ATN1: variants seen among roughly 807,000 people sequenced by gnomAD.
ATN1 encodes the protein atrophin 1.
Under a neutral mutation model 85.8 loss-of-function variants are expected in ATN1, and 19 were observed. That is an observed-to-expected ratio of 0.22 (90% CI 0.15 to 0.32). ATN1 has a LOEUF of 0.32. Among genes scored for constraint, ATN1 ranks in the 10% least tolerant of loss-of-function variants. The pLI is 1.00. For missense variants in ATN1, 1,453 were observed against 1,564.5 expected (o/e 0.93, Z 1.20); for synonymous variants, 674 against 657.0 (o/e 1.03, Z -0.39).
At chr12:6,928,548 C>G (rs1016960388) in intron 1 of ATN1, among the ~76,000 whole-genome samples, 164 bp downstream of exon 1, 4 of 149,940 alleles carry the variant, frequency 2.7e-5, no homozygotes, top group Non-Finnish European at 5.9e-5. Context: ...CTCTGCCTGG[C>G]CTGAGGGCCG....
Position 6,938,804 on chromosome 12 carries a change from G to A in ATN1, c.2841G>A (p.Lys947=), listed in dbSNP as rs782011154. ...AACGAGACCTCCGTGACCGCCTCAA[G>A]CCTGGCTTTGAGGTGAAGCCTAGTG... The part of the protein sequence containing the change: ...ARERDLRDRL[K]PGFEVKPSEL... The change falls in exon 7 of 10, where the codon AAG becomes AAA. Residue 947 remains lysine, a synonymous_variant. Coordinates refer to ENST00000396684, the MANE Select transcript of ATN1 (RefSeq NM_001940.4). 6.2e-7 allele frequency: 1 copy of A among 1,614,174 alleles called. No individual in the cohort carries two copies. The highest frequency in any genetic ancestry group is 2.2e-5 in the East Asian group (1 of 44,894).
rs782061724 is a variant in ATN1 at position 6,932,857 on chromosome 12, T to C, written c.-162-983T>C. Reference sequence around the variant, plus strand: ...TTCCTTTGTATTATAGAATGGGACATTCTTCTTCTACCTACTCTGATGTGA... The same window carrying C: ...TTCCTTTGTATTATAGAATGGGACACTCTTCTTCTACCTACTCTGATGTGA... On this transcript the variant is annotated intron_variant, in intron 1 of 9. Coordinates refer to ENST00000396684, the MANE Select transcript of ATN1 (RefSeq NM_001940.4). Among the ~76,000 whole-genome samples the C allele has an allele frequency of 2.2e-3, 330 of 152,330 alleles. 1 individual carries two copies. Among genetic ancestry groups the C allele is most frequent in the African/African-American group, 7.2e-3 (301 of 41,582 alleles).
Position 6,938,002 on chromosome 12 carries a change from G to A in ATN1, c.2452G>A (p.Glu818Lys). 6.5e-7 allele frequency: 1 copy of A among 1,542,816 alleles called. No individual in the cohort carries two copies. The highest frequency in any genetic ancestry group is 8.8e-7 in the Non-Finnish European group (1 of 1,142,238). ...GCGCGCGCGCGAAGAAAAGGAGCGC[G>A]AGCGCGAGCGGGAACGCGAGAAAGA... ...EQRAREEKER[E>K]REREREKERE... Residue 818 changes from glutamate to lysine, a missense_variant, in exon 6 of 10, where the codon GAG (glutamate) becomes AAG (lysine). Coordinates refer to ENST00000396684, the MANE Select transcript of ATN1 (RefSeq NM_001940.4).
At position 6,938,012 on chromosome 12, in the gene ATN1, G is replaced by A. The variant is rs991640104; in HGVS notation, c.2462G>A (p.Arg821Gln). The part of the protein sequence containing the change: ...AREEKERERE[R>Q]EREKEREREK... ...GAAGAAAAGGAGCGCGAGCGCGAGC[G>A]GGAACGCGAGAAAGAGCGCGAGCGC... The change falls in exon 6 of 10, where the codon CGG (arginine) becomes CAG (glutamine). Residue 821 changes from arginine to glutamine, a missense_variant. By Grantham distance (43) the Arg-to-Gln change is conservative (BLOSUM62 1). Transcript: ENST00000396684. The A allele has an allele frequency of 3.9e-6, 6 of 1,542,194 alleles. No homozygotes were observed. Among genetic ancestry groups the A allele is most frequent in the Non-Finnish European group, 5.3e-6 (6 of 1,141,962 alleles).
chr12:6,934,616 A>T lies in ATN1; in HGVS notation c.279+38A>T. 6.9e-7 allele frequency: 1 copy of T among 1,451,542 alleles called. No individual in the cohort carries two copies. The highest frequency in any genetic ancestry group is 9.5e-7 in the Non-Finnish European group (1 of 1,055,808). 89.9% of individuals were successfully genotyped at this position (1,451,542 alleles called of 1,614,324 possible). On this transcript the variant is annotated intron_variant, in intron 4 of 9. Coordinates refer to ENST00000396684, the MANE Select transcript of ATN1 (RefSeq NM_001940.4). The surrounding 1 kb of genome is among the most constrained non-coding windows in gnomAD (Gnocchi z 4.5). ...TGTCGCCATCCTGACCCATCTTGTG[A>T]CCATTCTTTTCTCAGACTTGCTTAT...
Position 6,937,546 on chromosome 12 carries a change from C to G in ATN1, c.2279C>G (p.Ala760Gly). ...PPKVVDVPSH[A>G]SQSARFNKHL... ...AAGGTGGTAGATGTACCCAGCCATGCCAGTCAGTCTGCCAGGTGAGCGGCC... is the reference window on the plus strand; with the variant it reads ...AAGGTGGTAGATGTACCCAGCCATGGCAGTCAGTCTGCCAGGTGAGCGGCC... The change falls in exon 5 of 10, where the codon GCC (alanine) becomes GGC (glycine). Residue 760 changes from alanine (A) to glycine (G), a missense_variant. Physicochemically the swap from Ala to Gly is moderately conservative, Grantham distance 60. Transcript: ENST00000396684. This position sits in a 1 kb window ranked among gnomAD's most constrained non-coding sequence, Gnocchi z 6.0. The G allele has an allele frequency of 6.6e-7, 1 of 1,510,954 alleles. No individual in the cohort carries two copies. Among genetic ancestry groups the G allele is most frequent in the Non-Finnish European group, 8.9e-7 (1 of 1,129,774 alleles). 93.6% of individuals were successfully genotyped at this position (1,510,954 alleles called of 1,614,324 possible).
Position 6,936,760 on chromosome 12 carries a change from AGC to A in ATN1, c.1494_1495del (p.Gln499AlafsTer24). On this transcript the variant is annotated frameshift_variant, in exon 5 of 10. Transcript: ENST00000396684. LOFTEE classifies it high-confidence loss of function. ...CAGCAGCAGCAGCAGCAGCAGCAGC[AGC>A]AGCAGCAGCAGCATCACGGAAACTC... is the stretch of plus-strand genomic sequence containing the variant. 1 of 1,438,012 alleles carries A rather than the reference AGC, an allele frequency of 7.0e-7. No homozygotes were observed. Among genetic ancestry groups the A allele is most frequent in the East Asian group, 2.3e-5 (1 of 43,858 alleles). The allele number at this position is 1,438,012 out of a possible 1,614,324, so 89.1% of individuals were successfully genotyped here. A position where few individuals can be genotyped will look rare whatever the true frequency, so the allele number is the denominator to read the frequency against.
chr12:6,936,722 ACAGCAACAGCAGCAGCAG>A lies in ATN1; in HGVS notation c.1461_1478del (p.Gln497_Gln502del), dbSNP rs781953797. ...CAACACATCACCATCACCACCAGCA[ACAGCAACAGCAGCAGCAG>A]CAGCAGCAGCAGCAGCAGCAGCAGC... On this transcript the variant is annotated inframe_deletion, in exon 5 of 10. Transcript: ENST00000396684. 27 of 1,525,112 alleles carry A rather than the reference ACAGCAACAGCAGCAGCAG, an allele frequency of 1.8e-5. No individual in the cohort carries two copies. Among genetic ancestry groups the A allele is most frequent in the Admixed American group, 1.7e-4 (8 of 46,374 alleles). 94.5% of individuals were successfully genotyped at this position (1,525,112 alleles called of 1,614,324 possible).
chr12:6,934,575 T>C lies in ATN1; in HGVS notation c.276T>C (p.Thr92=). 6.4e-7 allele frequency: 1 copy of C among 1,555,982 alleles called. No individual in the cohort carries two copies. The highest frequency in any genetic ancestry group is 1.4e-5 in the African/African-American group (1 of 73,246). ...CCAATGCACCAAAAAAGACCAAAAC[T>C]GAGGTGGGAAACCCTTGTCGCCATC... is the stretch of plus-strand genomic sequence containing the variant. ...EETNAPKKTK[T]EQELPRPQSP... is the part of the protein sequence containing the mutation. Residue 92 remains threonine (T), a synonymous_variant, in exon 4 of 10, where the codon ACT becomes ACC. Transcript: ENST00000396684. This position sits in a 1 kb window ranked among gnomAD's most constrained non-coding sequence, Gnocchi z 4.5.
chr12:6,935,972 C>T lies in ATN1; in HGVS notation c.705C>T (p.Pro235=). 1 of 1,589,798 alleles carries T rather than the reference C, an allele frequency of 6.3e-7. No individual in the cohort carries two copies. The highest frequency in any genetic ancestry group is 8.6e-7 in the Non-Finnish European group (1 of 1,167,326). The change falls in exon 5 of 10, where the codon CCC becomes CCT. Residue 235 remains proline, a synonymous_variant. Transcript: ENST00000396684. This position sits in a 1 kb window ranked among gnomAD's most constrained non-coding sequence, Gnocchi z 5.3. ...GGVLSGPPMG[P]KGGGAASSVG... is the part of the protein sequence containing the mutation. ...TTTTGTCTGGACCCCCAATGGGTCC[C>T]AAGGGGGGAGGGGCTGCCTCATCAG...
rs782397024 is a variant in ATN1 at position 6,936,668 on chromosome 12, G to C, written c.1401G>C (p.Gly467=). Residue 467 remains glycine, a synonymous_variant, in exon 5 of 10, where the codon GGG becomes GGC. Coordinates refer to ENST00000396684, the MANE Select transcript of ATN1 (RefSeq NM_001940.4). ...AHPGPFPPST[G]AQSTAHPPVS... ...CAGGCCCCTTCCCTCCCTCTACTGG[G>C]GCCCAGTCCACCGCCCACCCACCAG... 6.2e-7 allele frequency: 1 copy of C among 1,613,198 alleles called. No individual in the cohort carries two copies. The highest frequency in any genetic ancestry group is 1.3e-5 in the African/African-American group (1 of 74,576).
In ATN1 at chr12:6,936,554, G is replaced by A. The variant is rs1555143703; in HGVS notation, c.1287G>A (p.Gln429=). The change falls in exon 5 of 10, where the codon CAG becomes CAA. Residue 429 remains glutamine, a synonymous_variant. Coordinates refer to ENST00000396684, the MANE Select transcript of ATN1 (RefSeq NM_001940.4). ...CCAATCAGCCCCCCAAGTATACTCA[G>A]CCTTCTCTCCCATCCCAGGCTGTGT... The part of the protein sequence containing the change: ...SVSNQPPKYT[Q]PSLPSQAVWS... 1 of 1,600,960 alleles carries A rather than the reference G, an allele frequency of 6.2e-7. No individual in the cohort carries two copies.
upstream of ATN1, among the ~76,000 whole-genome samples, chr12:6,925,533 G>A (rs1457970708): frequency 6.6e-6 from 1 of 152,128 alleles, no homozygotes; most frequent in Non-Finnish European, 1.5e-5. Context: ...AGGGAGACAG[G>A]GAGCTGGCCT....
chr12:6,938,125 G>GCGCTGCGCTGCGCTA, intron 6 of ATN1, 58 bp downstream of exon 6: 3 of 1,481,424 alleles, frequency 2.0e-6, no homozygotes, highest in South Asian at 1.4e-5. Context: ...CCTTCCCTCT[G>GCGCTGCGCTGCGCTA]CGCTGCGCTG....
Position 6,937,832 on chromosome 12 carries a change from C to T in ATN1, c.2295-13C>T. ...CGCACCGCCTGAGCGCCCGCTGCTT[C>T]CACGCCCGGCAGGTTCAACAAACAC... On this transcript the variant is annotated splice_polypyrimidine_tract_variant and intron_variant, in intron 5 of 9. Transcript: ENST00000396684. This position sits in a 1 kb window ranked among gnomAD's most constrained non-coding sequence, Gnocchi z 6.0. 6.5e-7 allele frequency: 1 copy of T among 1,544,148 alleles called. No homozygotes were observed. Among genetic ancestry groups the T allele is most frequent in the Non-Finnish European group, 8.7e-7 (1 of 1,145,066 alleles).
chr12:6,927,939 G>A (rs1945415265), upstream of ATN1, among the ~76,000 whole-genome samples: 1 of 150,470 alleles, frequency 6.6e-6, no homozygotes, highest in Non-Finnish European at 1.5e-5. Context: ...GCCGACTGCC[G>A]GGGAAGGGGC....
rs782149084 is a variant in ATN1 at position 6,938,514 on chromosome 12, T to G, written c.2551T>G (p.Cys851Gly). 1 of 1,611,644 alleles carries G rather than the reference T, an allele frequency of 6.2e-7. No individual in the cohort carries two copies. The highest frequency in any genetic ancestry group is 8.5e-7 in the Non-Finnish European group (1 of 1,177,956). ...TCAGGAGGGCCGTGCTCCGGTGGAA[T>G]GCCCATCTCTGGGCCCAGTGCCCCA... is the stretch of plus-strand genomic sequence containing the variant. ...LAQEGRAPVE[C>G]PSLGPVPHRP... Residue 851 changes from cysteine (C) to glycine (G), a missense_variant, in exon 7 of 10, where the codon TGC becomes GGC. Cys to Gly is a radical substitution (Grantham distance 159). Transcript: ENST00000396684.
rs782526804 is a variant in ATN1 at position 6,936,202 on chromosome 12, A to C, written c.935A>C (p.Asn312Thr). Residue 312 changes from asparagine (N) to threonine (T), a missense_variant, in exon 5 of 10, where the codon AAT becomes ACT. Physicochemically the swap from Asn to Thr is moderately conservative, Grantham distance 65. Around this residue, in one of 6 missense-constraint regions of ATN1, gnomAD observed 990 missense variants for 914.8 expected, o/e 1.08. Coordinates refer to ENST00000396684, the MANE Select transcript of ATN1 (RefSeq NM_001940.4). Reference sequence around the variant, plus strand: ...CCACCTGCCCTGAGACCCCTCAACAATGCATCAGCCTCTCCCCCTGGCCTG... The same window carrying C: ...CCACCTGCCCTGAGACCCCTCAACACTGCATCAGCCTCTCCCCCTGGCCTG... ...PPPPALRPLNNASASPPGLGA... is the reference protein window; with the variant it reads ...PPPPALRPLNTASASPPGLGA... 1 of 1,589,896 alleles carries C rather than the reference A, an allele frequency of 6.3e-7. No individual in the cohort carries two copies. The highest frequency in any genetic ancestry group is 2.2e-5 in the East Asian group (1 of 44,652).
At chr12:6,938,337 G>A (rs1555144190) in intron 6 of ATN1, 144 bp from the exon 7 acceptor site, 3 of 1,321,236 alleles carry the variant, frequency 2.3e-6, no homozygotes, top group African/African-American at 3.0e-5. Context: ...CGGGAGCGGG[G>A]GCCGCAGTTA....
Sources: gnomAD v4.1 joint callset for allele counts (sites outside exome capture counted in the v4.1 genomes callset) on GRCh38, gnomAD v4.1.1 for gene constraint, gnomAD v4.1.1 regional missense constraint, Gnocchi (gnomAD v3.1) non-coding constraint, MANE v1.5 for transcripts, NCBI Gene and HGNC (gene_info 2026-07-23, HGNC 2026-07-21) for gene names.